The following ADGRL1 variants were observed in gnomAD, a reference collection of about 807,000 sequenced individuals.
ADGRL1 encodes the protein adhesion G protein-coupled receptor L1.
ADGRL1 carries 31 observed loss-of-function variants against 148.9 expected under a neutral mutation model. That is an observed-to-expected ratio of 0.21 (90% CI 0.16 to 0.28). The LOEUF (loss-of-function observed/expected upper bound fraction) is 0.28. Among genes scored for constraint, ADGRL1 ranks in the 10% least tolerant of loss-of-function variants. The probability of loss-of-function intolerance (pLI) is 1.00; values close to 1 mark genes in which losing one functional copy is unlikely to be tolerated. For missense variants in ADGRL1, 1,521 were observed against 2,058.8 expected (o/e 0.74, Z 5.05); for synonymous variants, 937 against 900.3 (o/e 1.04, Z -0.73).
chr19:14,154,206 C>T (rs904741929), intron 18 of ADGRL1, among the ~76,000 whole-genome samples: 2 of 152,120 alleles, frequency 1.3e-5, no homozygotes, highest in African/African-American at 4.8e-5. Flanking sequence ...GGGGCCAGGA[C>T]AATGTTGGAC....
At chr19:14,190,579 T>G (rs1971864665) in intron 1 of ADGRL1, among the ~76,000 whole-genome samples, 1 of 152,232 alleles carries the variant, frequency 6.6e-6, no homozygotes, top group African/African-American at 2.4e-5. Flanking sequence ...AACGTGTTTA[T>G]CTGAAAGCTG....
Position 14,160,187 on chromosome 19 carries a change from C to A in ADGRL1, c.1725G>T (p.Leu575=). Residue 575 remains leucine (L), a synonymous_variant, in exon 8 of 23, where the codon CTG becomes CTT. Coordinates refer to ENST00000361434, the MANE Select transcript of ADGRL1 (RefSeq NM_014921.5). This position sits in a 1 kb window ranked among gnomAD's most constrained non-coding sequence, Gnocchi z 5.9. ...GCAGCTGGGCATCCAGGATGTCCAG[C>A]AGCTGCTCCATCAGCTTCACAGAGG... ...VSSSVKLMEQ[L]LDILDAQLQA... 1.3e-6 allele frequency: 2 copies of A among 1,599,160 alleles called. No homozygotes were observed. Among genetic ancestry groups the A allele is most frequent in the Non-Finnish European group, 1.7e-6 (2 of 1,167,906 alleles).
At position 14,198,174 on chromosome 19, in the gene ADGRL1, A is replaced by AG. The variant is rs372691534; in HGVS notation, c.-96+7810dup. Among the ~76,000 whole-genome samples the AG allele has an allele frequency of 6.1e-3, 933 of 151,720 alleles. 10 individuals carry two copies. Among genetic ancestry groups the AG allele is most frequent in the African/African-American group, 0.021 (886 of 41,280 alleles). ...TGGAAGGAGGTGAGGGCGGCTGGGG[A>AG]GGGGGGTCACAGAGGCCATACAGGG... On this transcript the variant is annotated intron_variant, in intron 1 of 22. Transcript: ENST00000361434.
In ADGRL1 at chr19:14,163,399, C is replaced by G; in HGVS notation, c.402G>C (p.Val134=). ...VQYDCVPYIF[V]CPGTLQKVLE... ...GCACCTTCTGCAGGGTCCCTGGGCACACGAAGACTGGGCAGAGTGGGCGGG... is the reference window on the plus strand; with the variant it reads ...GCACCTTCTGCAGGGTCCCTGGGCAGACGAAGACTGGGCAGAGTGGGCGGG... The change falls in exon 5 of 23, where the codon GTG becomes GTC. Residue 134 remains valine (V), a synonymous_variant. Coordinates refer to ENST00000361434, the MANE Select transcript of ADGRL1 (RefSeq NM_014921.5). The G allele has an allele frequency of 6.4e-7, 1 of 1,556,394 alleles. No individual in the cohort carries two copies. The highest frequency in any genetic ancestry group is 8.7e-7 in the Non-Finnish European group (1 of 1,152,392).
intron 2 of ADGRL1, 61 bp from the exon 3 acceptor site, chr19:14,177,805 C>A: frequency 6.8e-7 from 1 of 1,473,452 alleles, no homozygotes; most frequent in Non-Finnish European, 9.3e-7. Flanking sequence ...GAAGACCCTA[C>A]CCACTGCCAA....
Position 14,161,342 on chromosome 19 carries a change from C to T in ADGRL1, c.1480G>A (p.Val494Met). 6.3e-7 allele frequency: 1 copy of T among 1,592,084 alleles called. No individual in the cohort carries two copies. Among genetic ancestry groups the T allele is most frequent in the Non-Finnish European group, 8.5e-7 (1 of 1,171,228 alleles). ...GTCCCCTTGGGGCAGGGCCTCTCCACCAGCATGCCCTGCTGGGTGGCCGGC... is the reference window on the plus strand; with the variant it reads ...GTCCCCTTGGGGCAGGGCCTCTCCATCAGCATGCCCTGCTGGGTGGCCGGC... The part of the protein sequence containing the change: ...QWPATQQGML[V>M]ERPCPKGTRG... The change falls in exon 6 of 23, where the codon GTG becomes ATG. Residue 494 changes from valine to methionine, a missense_variant. By Grantham distance (21) the Val-to-Met change is conservative. Around this residue, in one of 8 missense-constraint regions of ADGRL1, gnomAD observed 270 missense variants for 320.4 expected, o/e 0.84. Coordinates refer to ENST00000361434, the MANE Select transcript of ADGRL1 (RefSeq NM_014921.5). The surrounding 1 kb of genome is among the most constrained non-coding windows in gnomAD (Gnocchi z 4.4).
At chr19:14,205,109 T>G (rs1972899625) in intron 1 of ADGRL1, among the ~76,000 whole-genome samples, 1 of 151,836 alleles carries the variant, frequency 6.6e-6, no homozygotes, top group South Asian at 2.1e-4. Context: ...GAGAGATACC[T>G]GGGAGGGCAT....
At chr19:14,187,104 G>A (rs1424483930) in intron 1 of ADGRL1, among the ~76,000 whole-genome samples, 2 of 152,220 alleles carry the variant, frequency 1.3e-5, no homozygotes, top group Non-Finnish European at 2.9e-5. Flanking sequence ...TTGGGAAGCC[G>A]AGGCGGGTGG....
chr19:14,192,766 C>G (rs1243545513), intron 1 of ADGRL1, among the ~76,000 whole-genome samples: 1 of 151,606 alleles, frequency 6.6e-6, no homozygotes, highest in African/African-American at 2.4e-5. Flanking sequence ...GGTCAGGCTG[C>G]TCTCGAACTC....
chr19:14,158,256 G>A (rs1968970171), intron 12 of ADGRL1, 82 bp downstream of exon 12: 13 of 1,417,672 alleles, frequency 9.2e-6, no homozygotes, highest in Middle Eastern at 2.3e-4. Context: ...CTGGAGGTGA[G>A]CACATGGAGG....
rs979346150 is a variant in ADGRL1 at position 14,159,026 on chromosome 19, GCA to G, written c.2149+62_2149+63del. The stretch of plus-strand genomic sequence containing the variant: ...CTCTACAAATGGCACAGAGACGCTG[GCA>G]CAGAGCTGGGGGGTGGGGGTGGGGC... On this transcript the variant is annotated intron_variant, in intron 11 of 22. Coordinates refer to ENST00000361434, the MANE Select transcript of ADGRL1 (RefSeq NM_014921.5). The surrounding 1 kb of genome is among the most constrained non-coding windows in gnomAD (Gnocchi z 6.0). The G allele has an allele frequency of 2.5e-4, 388 of 1,577,526 alleles. No individual in the cohort carries two copies. Among genetic ancestry groups the G allele is most frequent in the Non-Finnish European group, 3.1e-4 (355 of 1,152,600 alleles).
intron 18 of ADGRL1, among the ~76,000 whole-genome samples, chr19:14,153,983 T>C (rs940031896): frequency 6.6e-6 from 1 of 150,730 alleles, no homozygotes; most frequent in African/African-American, 2.4e-5. Context: ...AAAAAATAAA[T>C]AGATCAGAGG....
chr19:14,171,315 A>G (rs1486605205), intron 3 of ADGRL1: 1 of 152,726 alleles, frequency 6.5e-6, no homozygotes, highest in Non-Finnish European at 1.5e-5. Flanking sequence ...GAACTAACAC[A>G]CCAAGCCCAG....
Position 14,161,167 on chromosome 19 carries a change from G to T in ADGRL1, c.1510+145C>A. 1.2e-6 allele frequency: 1 copy of T among 833,090 alleles called. No homozygotes were observed. The highest frequency in any genetic ancestry group is 1.9e-5 in the South Asian group (1 of 51,640). 51.6% of individuals were successfully genotyped at this position (833,090 alleles called of 1,614,324 possible). ...GGGCACTGAGTGGCTCCTGTGCCCT[G>T]AGAGCTCTGCTGGTCACTGGGGATG... is the stretch of plus-strand genomic sequence containing the variant. On this transcript the variant is annotated intron_variant, in intron 6 of 22. Transcript: ENST00000361434. The surrounding 1 kb of genome is among the most constrained non-coding windows in gnomAD (Gnocchi z 4.4).
intron 1 of ADGRL1, chr19:14,191,326 C>A (rs1359058246): frequency 2.2e-6 from 1 of 456,566 alleles, no homozygotes; most frequent in Non-Finnish European, 4.4e-6. Flanking sequence ...GCATCCCTTG[C>A]CATGCTGTGA....
intron 15 of ADGRL1, 90 bp downstream of exon 15, chr19:14,156,835 G>T (rs902971078): frequency 1.3e-6 from 2 of 1,530,510 alleles, no homozygotes; most frequent in African/African-American, 2.7e-5. Flanking sequence ...GGAGGAGGAA[G>T]GGACTACCGC....
chr19:14,200,546 G>A (rs1024210450), intron 1 of ADGRL1, among the ~76,000 whole-genome samples: 6 of 152,218 alleles, frequency 3.9e-5, no homozygotes, highest in South Asian at 2.1e-4. Context: ...TCTGCGGCCC[G>A]CAAAGCTTGC....
At chr19:14,182,531 T>C (rs34025180) in intron 2 of ADGRL1, among the ~76,000 whole-genome samples, 31,003 of 152,154 alleles carry the variant, frequency 0.2, 3,714 homozygotes, top group Non-Finnish European at 0.27. Context: ...CCCAGGGGTA[T>C]GGCAGGGAGG....
At chr19:14,168,388 A>G (rs575534198) in intron 4 of ADGRL1, among the ~76,000 whole-genome samples, 7 of 152,214 alleles carry the variant, frequency 4.6e-5, no homozygotes, top group Non-Finnish European at 8.8e-5. Flanking sequence ...ATCAGGAGTT[A>G]GCTCTGCCCC....
Sources: allele counts gnomAD v4.1 joint callset (sites outside exome capture counted in the v4.1 genomes callset), GRCh38; gene constraint gnomAD v4.1.1; regional missense constraint gnomAD v4.1.1; non-coding constraint Gnocchi (gnomAD v3.1); transcripts MANE v1.5; gene names NCBI Gene and HGNC (gene_info 2026-07-23, HGNC 2026-07-21).